NKAIN2: variants seen among roughly 807,000 people sequenced by gnomAD.
NKAIN2 encodes sodium/potassium-transporting ATPase subunit beta-1-interacting protein 2.
Under a neutral mutation model 32.6 loss-of-function variants are expected in NKAIN2, and 14 were observed. The ratio of observed to expected loss-of-function variants is 0.43; its 90% CI spans 0.28 to 0.67. The LOEUF (loss-of-function observed/expected upper bound fraction) is 0.67, where lower values mean the gene tolerates loss of function less well. Ranked by LOEUF, NKAIN2 falls within the 30% of genes least tolerant of loss-of-function variation. The pLI, the probability that NKAIN2 is intolerant of heterozygous loss-of-function variation, is 0.17. For synonymous variants in NKAIN2, 80 were observed against 87.2 expected (o/e 0.92, Z 0.46); for missense variants, 198 against 258.3 (o/e 0.77, Z 1.60).
intron 3 of NKAIN2, among the ~76,000 whole-genome samples, chr6:124,573,234 T>C (rs116159638): frequency 0.017 from 2,590 of 152,360 alleles, 68 homozygotes; most frequent in African/African-American, 0.059. Context: ...TACATTTGCA[T>C]GTGCTTTCAC....
intron 1 of NKAIN2, among the ~76,000 whole-genome samples, chr6:124,055,600 ATGGCAGCTC>A (rs1782606097): frequency 6.6e-6 from 1 of 151,968 alleles, no homozygotes. Context: ...TAGTTAAGTC[ATGGCAGCTC>A]TGGGTGGAAT....
intron 1 of NKAIN2, among the ~76,000 whole-genome samples, chr6:123,984,010 C>T (rs142556094): frequency 3.2e-4 from 48 of 152,194 alleles, no homozygotes; most frequent in African/African-American, 1.1e-3. Context: ...CAGGTTCAAG[C>T]GGTTCTCCTG....
chr6:124,091,668 TTTTC>T (rs1784428638), intron 1 of NKAIN2, among the ~76,000 whole-genome samples: 1 of 151,978 alleles, frequency 6.6e-6, no homozygotes, highest in African/African-American at 2.4e-5. Context: ...ATTATTTTTT[TTTTC>T]CCCCCAGCTC....
intron 1 of NKAIN2, among the ~76,000 whole-genome samples, chr6:124,194,096 A>G (rs1790178944): frequency 6.6e-6 from 1 of 151,892 alleles, no homozygotes; most frequent in African/African-American, 2.4e-5. Context: ...CGATTGTTCC[A>G]TGGGTGGCCA....
chr6:124,088,991 T>G (rs937118230), intron 1 of NKAIN2, among the ~76,000 whole-genome samples: 3 of 152,026 alleles, frequency 2.0e-5, no homozygotes, highest in Admixed American at 1.3e-4. Flanking sequence ...TGCAAATACT[T>G]TATCCTTTTA....
chr6:123,861,073 G>T (rs1026915581), intron 1 of NKAIN2, among the ~76,000 whole-genome samples: 1 of 152,168 alleles, frequency 6.6e-6, no homozygotes, highest in Non-Finnish European at 1.5e-5. Context: ...CCAAATCTGT[G>T]TTCTTCCTAT....
At chr6:124,693,454 A>T (rs537220930) in intron 4 of NKAIN2, among the ~76,000 whole-genome samples, 5 of 152,306 alleles carry the variant, frequency 3.3e-5, no homozygotes, top group African/African-American at 1.2e-4. Context: ...ACCATCGCTA[A>T]ATGATTCACG....
At chr6:124,357,678 A>G (rs1423869687) in intron 3 of NKAIN2, among the ~76,000 whole-genome samples, 1 of 152,214 alleles carries the variant, frequency 6.6e-6, no homozygotes, top group African/African-American at 2.4e-5. Context: ...ATCTTTTGTA[A>G]ATAAGTGATG....
chr6:124,199,311 C>A (rs1790491325), intron 1 of NKAIN2, among the ~76,000 whole-genome samples: 1 of 152,132 alleles, frequency 6.6e-6, no homozygotes, highest in African/African-American at 2.4e-5. Flanking sequence ...ACGGTGTAAT[C>A]TTTTAAAGAA....
At chr6:123,843,106 G>A (rs1774943397) in intron 1 of NKAIN2, among the ~76,000 whole-genome samples, 1 of 152,082 alleles carries the variant, frequency 6.6e-6, no homozygotes, top group Admixed American at 6.6e-5. Context: ...AGGGTGTGTG[G>A]TACAAACAAT....
At chr6:124,701,433 T>C (rs1327566218) in intron 4 of NKAIN2, among the ~76,000 whole-genome samples, 1 of 152,088 alleles carries the variant, frequency 6.6e-6, no homozygotes, top group African/African-American at 2.4e-5. Context: ...GTATTAAGTA[T>C]GTATTTTTGC....
chr6:123,985,538 A>G (rs899302675), intron 1 of NKAIN2, among the ~76,000 whole-genome samples: 2 of 152,190 alleles, frequency 1.3e-5, no homozygotes, highest in African/African-American at 4.8e-5. Context: ...AACACAATAT[A>G]TATGCAATTC....
rs115368545 is a variant in NKAIN2 at position 124,556,043 on chromosome 6, C to A, written c.274-102143C>A. 8.3e-3 allele frequency among the ~76,000 whole-genome samples: 1,232 copies of A among 148,700 alleles called. 27 individuals carry two copies. Among genetic ancestry groups the A allele is most frequent in the African/African-American group, 0.029 (1,161 of 40,196 alleles). ...AGCCACATAAAAACTTCTTCCAATT[C>A]TCCTTCAATTATTTTGCCCATTATA... is the stretch of plus-strand genomic sequence containing the variant. On this transcript the variant is annotated intron_variant, in intron 3 of 6. Coordinates refer to ENST00000368417, the MANE Select transcript of NKAIN2 (RefSeq NM_001040214.3).
chr6:124,111,406 T>C (rs1785379349), intron 1 of NKAIN2, among the ~76,000 whole-genome samples: 2 of 152,172 alleles, frequency 1.3e-5, no homozygotes, highest in South Asian at 4.1e-4. Context: ...ATATATATGT[T>C]TATCATGGCC....
chr6:124,276,055 C>T (rs1795015713), intron 1 of NKAIN2, among the ~76,000 whole-genome samples: 1 of 151,962 alleles, frequency 6.6e-6, no homozygotes. Context: ...TCTGAACCAC[C>T]ATGATATGCT....
chr6:124,273,643 TA>T (rs1194618676), intron 1 of NKAIN2, among the ~76,000 whole-genome samples: 2 of 152,166 alleles, frequency 1.3e-5, no homozygotes, highest in African/African-American at 4.8e-5. Flanking sequence ...TCACTAGAAC[TA>T]AAACAGTGTA....
intron 3 of NKAIN2, among the ~76,000 whole-genome samples, chr6:124,497,068 G>T (rs1391352458): frequency 1.3e-5 from 2 of 152,082 alleles, no homozygotes; most frequent in South Asian, 4.1e-4. Context: ...AGGGAGAAAG[G>T]TTCACTTCCT....
At chr6:123,841,333 C>CTAACATCTA (rs1286462112) in intron 1 of NKAIN2, among the ~76,000 whole-genome samples, 3 of 152,062 alleles carry the variant, frequency 2.0e-5, no homozygotes, top group Non-Finnish European at 2.9e-5. Context: ...GTAAACTGGC[C>CTAACATCTA]TAACATCTAT....
At chr6:124,359,492 C>G (rs1171171312) in intron 3 of NKAIN2, among the ~76,000 whole-genome samples, 1 of 152,098 alleles carries the variant, frequency 6.6e-6, no homozygotes, top group Non-Finnish European at 1.5e-5. Flanking sequence ...CTTCACATCC[C>G]TTGTAAGTTG....
Sources: allele counts gnomAD v4.1 joint callset (sites outside exome capture counted in the v4.1 genomes callset), GRCh38; gene constraint gnomAD v4.1.1; transcripts MANE v1.5; gene names NCBI Gene and HGNC (gene_info 2026-07-23, HGNC 2026-07-21).